The following LRP1B variants were observed in gnomAD, a reference collection of about 807,000 sequenced individuals.
LRP1B encodes the protein low-density lipoprotein receptor-related protein 1B.
A neutral mutation model predicts 556.6 loss-of-function variants in LRP1B; 217 were observed. That is an observed-to-expected ratio of 0.39 (90% CI 0.35 to 0.44). The LOEUF (loss-of-function observed/expected upper bound fraction) is 0.44, where lower values mean the gene tolerates loss of function less well. Among genes scored for constraint, LRP1B ranks in the 20% least tolerant of loss-of-function variants. The pLI, the probability that LRP1B is intolerant of heterozygous loss-of-function variation, is 1.00. For synonymous variants in LRP1B, 2,047 were observed against 1,865.8 expected (o/e 1.10, Z -2.50); for missense variants, 5,053 against 5,620.8 (o/e 0.90, Z 3.23).
intron 3 of LRP1B, among the ~76,000 whole-genome samples, chr2:141,382,432 T>C (rs1320821669): frequency 2.0e-5 from 3 of 152,228 alleles, no homozygotes; most frequent in Admixed American, 6.5e-5. Context: ...CTAGAAGATA[T>C]GTGCTTATTT....
At chr2:141,253,867 T>C (rs901402948) in intron 4 of LRP1B, among the ~76,000 whole-genome samples, 2 of 151,916 alleles carry the variant, frequency 1.3e-5, no homozygotes, top group South Asian at 2.1e-4. Flanking sequence ...TAGATATAGA[T>C]AGATTCTAAG....
chr2:141,151,909 G>A (rs937554409), intron 7 of LRP1B, among the ~76,000 whole-genome samples: 1 of 151,840 alleles, frequency 6.6e-6, no homozygotes, highest in Non-Finnish European at 1.5e-5. Flanking sequence ...TTATAACTAT[G>A]GCAAGATGTC....
At chr2:140,299,322 G>GA (rs1443399243) in intron 83 of LRP1B, among the ~76,000 whole-genome samples, 1 of 151,978 alleles carries the variant, frequency 6.6e-6, no homozygotes. Flanking sequence ...ACTTTACTTT[G>GA]AAAGGACTCT....
rs140170673 is a variant in LRP1B, at chr2:141,766,872, T to C, written c.205+43407A>G. 9.2e-5 allele frequency among the ~76,000 whole-genome samples: 14 copies of C among 152,312 alleles called. No individual in the cohort carries two copies. In the East Asian group the frequency reaches 2.7e-3, roughly 29 times the overall value. ...GGCTTATAGCCTTGTACATATGCTATGTTTGATCCTCCTGTCCAACCTATC... is the reference window on the plus strand; with the variant it reads ...GGCTTATAGCCTTGTACATATGCTACGTTTGATCCTCCTGTCCAACCTATC... On this transcript the variant is annotated intron_variant, in intron 2 of 90. Transcript: ENST00000389484.
intron 66 of LRP1B, among the ~76,000 whole-genome samples, chr2:140,417,119 CA>C (rs1335040863): frequency 6.6e-6 from 1 of 152,156 alleles, no homozygotes; most frequent in Non-Finnish European, 1.5e-5. Flanking sequence ...CATTAAAAGA[CA>C]AGCCTTTGGA....
chr2:140,277,395 A>C lies in LRP1B; in HGVS notation c.12968-2797T>G, dbSNP rs1052509657. On this transcript the variant is annotated intron_variant, in intron 84 of 90. Transcript: ENST00000389484. ...GAGGTCAGGAGTTCGAGACCAGCCT[A>C]GCAAATATGGTGAAACCCCCTCTCT... is the stretch of plus-strand genomic sequence containing the variant. 3.6e-4 allele frequency among the ~76,000 whole-genome samples: 54 copies of C among 151,838 alleles called. 1 individual carries two copies. The highest frequency in any genetic ancestry group is 1.3e-3 in the African/African-American group (52 of 41,486).
intron 2 of LRP1B, among the ~76,000 whole-genome samples, chr2:141,576,933 C>A (rs1308275716): frequency 1.3e-5 from 2 of 151,496 alleles, no homozygotes. Flanking sequence ...GCTGGGATAA[C>A]AAACATAAGC....
chr2:141,761,850 A>G (rs1318739252), intron 2 of LRP1B, among the ~76,000 whole-genome samples: 1 of 152,200 alleles, frequency 6.6e-6, no homozygotes, highest in Non-Finnish European at 1.5e-5. Context: ...ACTGTGTATG[A>G]CATCTGTCTA....
intron 2 of LRP1B, among the ~76,000 whole-genome samples, chr2:141,502,440 A>G (rs1683750263): frequency 6.6e-6 from 1 of 152,178 alleles, no homozygotes; most frequent in African/African-American, 2.4e-5. Flanking sequence ...AGCATACTTG[A>G]GACCTAACAA....
intron 67 of LRP1B, among the ~76,000 whole-genome samples, chr2:140,383,111 T>A (rs1247923912): frequency 4.6e-5 from 7 of 152,252 alleles, no homozygotes; most frequent in Non-Finnish European, 8.8e-5. Flanking sequence ...TCAAAATGTA[T>A]CCCCACTGTT....
chr2:141,106,257 G>A (rs1029163783), intron 7 of LRP1B, among the ~76,000 whole-genome samples: 22 of 152,014 alleles, frequency 1.4e-4, no homozygotes, highest in Non-Finnish European at 4.4e-5. Flanking sequence ...AAATAGTTTA[G>A]GGAATAGAAC....
At chr2:141,202,295 T>C (rs1399115721) in intron 6 of LRP1B, among the ~76,000 whole-genome samples, 2 of 152,192 alleles carry the variant, frequency 1.3e-5, no homozygotes, top group Non-Finnish European at 2.9e-5. Context: ...ATGTACTATA[T>C]TTTCCGTATC....
At chr2:141,391,962 C>T (rs12691602) in intron 3 of LRP1B, among the ~76,000 whole-genome samples, 39,105 of 151,968 alleles carry the variant, frequency 0.26, 6,080 homozygotes, top group East Asian at 0.69. Flanking sequence ...AATACCCTCT[C>T]AGGTTTATGC....
At chr2:140,817,589 T>C (rs1367929121) in intron 31 of LRP1B, among the ~76,000 whole-genome samples, 3 of 151,856 alleles carry the variant, frequency 2.0e-5, no homozygotes, top group Non-Finnish European at 4.4e-5. Flanking sequence ...TACATATTAA[T>C]GTAAGAAACT....
chr2:141,187,557 G>A (rs1285399045), intron 7 of LRP1B, among the ~76,000 whole-genome samples: 1 of 152,114 alleles, frequency 6.6e-6, no homozygotes, highest in East Asian at 1.9e-4. Context: ...TTCAAATAAG[G>A]TGGTACACTA....
intron 2 of LRP1B, among the ~76,000 whole-genome samples, chr2:141,615,194 TTAGA>T (rs1266953172): frequency 9.9e-5 from 15 of 152,194 alleles, no homozygotes; most frequent in Admixed American, 9.8e-4. Flanking sequence ...AGTGATAAAC[TTAGA>T]TATTTAGTTG....
intron 7 of LRP1B, among the ~76,000 whole-genome samples, chr2:141,147,208 C>T (rs533474107): frequency 3.0e-4 from 45 of 152,244 alleles, no homozygotes; most frequent in Non-Finnish European, 5.1e-4. Flanking sequence ...GCCCTTTAGG[C>T]TTAGGAGTGG....
rs772147446 is a variant in LRP1B, at chr2:140,922,990, T to G, written c.3294A>C (p.Lys1098Asn). Residue 1098 changes from lysine to asparagine, a missense_variant, in exon 21 of 91, where the codon AAA (lysine) becomes AAC (asparagine). Around this residue, in one of 5 missense-constraint regions of LRP1B, gnomAD observed 3,619 missense variants for 3,931.9 expected, o/e 0.92. Coordinates refer to ENST00000389484, the MANE Select transcript of LRP1B (RefSeq NM_018557.3). ...CNGTIRLCDH[K>N]TKFSCWSTGR... ...CTGTACTCCAACAGGAAAACTTGGT[T>G]TTGTGGTCACACAATCGTATGGTAC... is the stretch of plus-strand genomic sequence containing the variant. 6.2e-7 allele frequency: 1 copy of G among 1,612,418 alleles called. No homozygotes were observed. Among genetic ancestry groups the G allele is most frequent in the Non-Finnish European group, 8.5e-7 (1 of 1,179,048 alleles).
At chr2:141,495,244 A>C (rs1434931110) in intron 2 of LRP1B, among the ~76,000 whole-genome samples, 1 of 152,128 alleles carries the variant, frequency 6.6e-6, no homozygotes, top group Non-Finnish European at 1.5e-5. Context: ...TGTTGTAGCA[A>C]GATTCCAGTG....
Sources: allele counts gnomAD v4.1 joint callset (sites outside exome capture counted in the v4.1 genomes callset), GRCh38; gene constraint gnomAD v4.1.1; regional missense constraint gnomAD v4.1.1; transcripts MANE v1.5; gene names NCBI Gene and HGNC (gene_info 2026-07-23, HGNC 2026-07-21).